CLSPN: variants seen among roughly 807,000 people sequenced by gnomAD.
CLSPN encodes claspin, also known as claspin homolog.
In CLSPN, 85 loss-of-function variants were observed where a neutral mutation model predicts 156.3. That is an observed-to-expected ratio of 0.54 (90% CI 0.46 to 0.65). The LOEUF is 0.65. Among genes scored for constraint, CLSPN ranks in the 30% least tolerant of loss-of-function variants. The probability of loss-of-function intolerance (pLI) is 0.00; values close to 1 mark genes in which losing one functional copy is unlikely to be tolerated. For synonymous variants in CLSPN, 534 were observed against 542.4 expected, an observed-to-expected ratio of 0.98 and a Z score of 0.22; for missense variants, 1,407 against 1,554.9, an observed-to-expected ratio of 0.90 and a Z score of 1.60.
At position 35,734,419 on chromosome 1, in the gene CLSPN, C is replaced by T. The variant is rs149185937; in HGVS notation, c.*2077G>A. The T allele has an allele frequency of 1.5e-3, 1,469 of 976,842 alleles. 19 individuals are homozygous for T. The African/African-American group carries it at 0.022, about 15-fold the overall frequency. The allele number at this position is 976,842 out of a possible 1,614,324, so 60.5% of individuals were successfully genotyped here. ...AACCGGCCGGGTGCGGTGGCTCATG[C>T]CTATAATCCCAGCACTTTGGGAGGC... On this transcript the variant is annotated 3_prime_UTR_variant, in exon 25 of 25. Transcript: ENST00000318121.
intron 18 of CLSPN, 123 bp downstream of exon 18, chr1:35,743,018 C>A: frequency 1.4e-6 from 1 of 708,110 alleles, no homozygotes; most frequent in Non-Finnish European, 2.5e-6. Context: ...AACTCCTGAC[C>A]TCAGGTGATC....
At chr1:35,726,472 GGGT>G in intron 24 of CLSPN, among the ~76,000 whole-genome samples, 1 of 144,262 alleles carries the variant, frequency 6.9e-6, no homozygotes. Context: ...AAACAATGCT[GGGT>G]GGTGGTGGTG....
intron 12 of CLSPN, among the ~76,000 whole-genome samples, chr1:35,749,038 G>T (rs1369886205): frequency 1.3e-5 from 2 of 151,930 alleles, no homozygotes; most frequent in African/African-American, 4.8e-5. Flanking sequence ...TGTTAGCCAG[G>T]CTGGTCTCGA....
chr1:35,740,103 G>A (rs935573886), intron 18 of CLSPN, among the ~76,000 whole-genome samples: 18 of 152,180 alleles, frequency 1.2e-4, no homozygotes, highest in African/African-American at 4.1e-4. Flanking sequence ...CTGCTGGAAG[G>A]TTCAAACTAT....
chr1:35,747,138 T>G, intron 14 of CLSPN, 146 bp from the exon 15 acceptor site: 2 of 607,580 alleles, frequency 3.3e-6, no homozygotes, highest in Non-Finnish European at 5.8e-6. Flanking sequence ...CTGGCTAACA[T>G]GGTGAAACCC....
intron 1 of CLSPN, among the ~76,000 whole-genome samples, chr1:35,766,634 G>T (rs1642686542): frequency 6.7e-6 from 1 of 150,102 alleles, no homozygotes; most frequent in African/African-American, 2.5e-5. Flanking sequence ...AGTAGAGATG[G>T]GGTTTCTCCA....
rs142181050 is a variant in CLSPN at position 35,722,071 on chromosome 1, A to G, written c.3910-1091T>C. Among the ~76,000 whole-genome samples the G allele has an allele frequency of 7.2e-3, 1,092 of 151,704 alleles. 17 individuals are homozygous for G. Among genetic ancestry groups the G allele is most frequent in the African/African-American group, 0.025 (1,041 of 41,402 alleles). ...GGAGAATCGCTTGAACCCAAGAGGC[A>G]GAGATTGCAGTGAGCCAAGATCGTG... On this transcript the variant is annotated intron_variant, in intron 24 of 24. Coordinates refer to the CLSPN transcript ENST00000251195.
rs1309760120 is a variant in CLSPN, at chr1:35,746,970, T to C, written c.2650A>G (p.Arg884Gly). Residue 884 changes from arginine (R) to glycine (G), a missense_variant, in exon 15 of 25, where the codon AGG becomes GGG. By Grantham distance (125) the Arg-to-Gly change is moderately radical. Transcript: ENST00000318121. This position sits in a 1 kb window ranked among gnomAD's most constrained non-coding sequence, Gnocchi z 4.2. ...GGCTTCAAAGCTTGGTACTGATTCC[T>C]GTGGTTTCTAACATTTAAGAACCTA... The part of the protein sequence containing the change: ...ADGFLNVRNH[R>G]NQYQALKPRL... 1.2e-6 allele frequency: 2 copies of C among 1,613,994 alleles called. No individual in the cohort carries two copies. The highest frequency in any genetic ancestry group is 1.7e-6 in the Non-Finnish European group (2 of 1,179,864).
Position 35,735,340 on chromosome 1 carries a change from A to G in CLSPN, c.*1156T>C. The G allele has an allele frequency of 3.0e-6, 3 of 985,466 alleles. No homozygotes were observed. The highest frequency in any genetic ancestry group is 3.5e-5 in the African/African-American group (2 of 57,376). The allele number at this position is 985,466 out of a possible 1,614,324, so 61.0% of individuals were successfully genotyped here. ...AAAATTTGATGCTGCCTTGGGAAGA[A>G]GCATACAGGAAAATGAAAGGGGTAA... On this transcript the variant is annotated 3_prime_UTR_variant, in exon 25 of 25. Transcript: ENST00000318121.
At position 35,762,493 on chromosome 1, in the gene CLSPN, G is replaced by A; in HGVS notation, c.745-12C>T. On this transcript the variant is annotated splice_polypyrimidine_tract_variant and intron_variant, in intron 4 of 24. Coordinates refer to ENST00000318121, the MANE Select transcript of CLSPN (RefSeq NM_022111.4). ...GATGGTTCTTTTTTCTAAAAGAAAT[G>A]GCAGGTTGATTAGGACAAAAACGAA... The A allele has an allele frequency of 6.2e-7, 1 of 1,612,072 alleles. No homozygotes were observed.
chr1:35,760,280 C>A, intron 8 of CLSPN, 62 bp downstream of exon 8: 1 of 1,336,804 alleles, frequency 7.5e-7, no homozygotes, highest in South Asian at 1.4e-5. Flanking sequence ...CGACAGTAGT[C>A]AATAATCAAA....
intron 24 of CLSPN, among the ~76,000 whole-genome samples, chr1:35,725,006 A>C (rs1226760709): frequency 2.0e-5 from 3 of 152,184 alleles, no homozygotes; most frequent in African/African-American, 7.2e-5. Context: ...GGTACATTCA[A>C]TTAGAAGTTT....
rs1348856108 is a variant in CLSPN at position 35,749,524 on chromosome 1, G to T, written c.2215C>A (p.Pro739Thr). The change falls in exon 12 of 25, where the codon CCT becomes ACT. Residue 739 changes from proline (P) to threonine (T), a missense_variant. Physicochemically the swap from Pro to Thr is conservative, Grantham distance 38 (BLOSUM62 -1). Coordinates refer to ENST00000318121, the MANE Select transcript of CLSPN (RefSeq NM_022111.4). ...KDSSSKMGYF[P>T]TEEKSETDEN... is the part of the protein sequence containing the mutation. Reference sequence around the variant, plus strand: ...TCTGTTTCTGATTTTTCTTCAGTAGGAAAGTAACTGCAAAATAAGAAAGTA... The same window carrying T: ...TCTGTTTCTGATTTTTCTTCAGTAGTAAAGTAACTGCAAAATAAGAAAGTA... 1 of 1,614,042 alleles carries T rather than the reference G, an allele frequency of 6.2e-7. No individual in the cohort carries two copies. The highest frequency in any genetic ancestry group is 1.1e-5 in the South Asian group (1 of 91,070).
chr1:35,746,843 T>C lies in CLSPN; in HGVS notation c.2777A>G (p.His926Arg), dbSNP rs765591020. 7 of 1,614,026 alleles carry C rather than the reference T, an allele frequency of 4.3e-6. No individual in the cohort carries two copies. Among genetic ancestry groups the C allele is most frequent in the African/African-American group, 2.7e-5 (2 of 74,924 alleles). ...TTTCTTGTCACTCTTCCTGGGTAGA[T>C]GTTTTTCAGCCTGAGATGTGAACTT... is the stretch of plus-strand genomic sequence containing the variant. Reference protein sequence around the residue: ...TGKFTSQAEKHLPRKSDKKEN... With the variant: ...TGKFTSQAEKRLPRKSDKKEN... The change falls in exon 15 of 25, where the codon CAT becomes CGT. Residue 926 changes from histidine (H) to arginine (R), a missense_variant. Physicochemically the swap from His to Arg is conservative, Grantham distance 29 (BLOSUM62 0). Coordinates refer to ENST00000318121, the MANE Select transcript of CLSPN (RefSeq NM_022111.4). This position sits in a 1 kb window ranked among gnomAD's most constrained non-coding sequence, Gnocchi z 4.2.
chr1:35,722,636 T>C (rs1268591709), intron 24 of CLSPN, among the ~76,000 whole-genome samples: 1 of 146,328 alleles, frequency 6.8e-6, no homozygotes, highest in Non-Finnish European at 1.5e-5. Context: ...TCTCTCTTTC[T>C]TTTTTTTTTC....
Position 35,751,286 on chromosome 1 carries a change from C to T in CLSPN, c.1992G>A (p.Glu664=), listed in dbSNP as rs1393576214. ...CTTCTTCTTCCTCCTCCTCTTCTTT[C>T]TCCTCCTCTTCCTCTAGTTCTTCCT... is the stretch of plus-strand genomic sequence containing the variant. ...EKEEELEEEE[E]KEEEEEEEGN... Residue 664 remains glutamate, a synonymous_variant, in exon 10 of 25, where the codon GAG becomes GAA. Transcript: ENST00000318121. 1.3e-6 allele frequency: 2 copies of T among 1,592,116 alleles called. No homozygotes were observed. Among genetic ancestry groups the T allele is most frequent in the Non-Finnish European group, 1.7e-6 (2 of 1,171,492 alleles).
intron 4 of CLSPN, among the ~76,000 whole-genome samples, 152 bp downstream of exon 4, chr1:35,763,002 TACTGCA>T (rs1642536866): frequency 6.6e-6 from 1 of 152,148 alleles, no homozygotes; most frequent in Non-Finnish European, 1.5e-5. Context: ...CTATCACTTG[TACTGCA>T]AGTCTCCAAA....
rs959769781 is a variant in CLSPN, at chr1:35,746,481, A to G, written c.2854+285T>C. ...GTGATCTCAGCTCACTGCAACCTTCATCTCCCAGGCTCAAGAGATCCTCCC... is the reference window on the plus strand; with the variant it reads ...GTGATCTCAGCTCACTGCAACCTTCGTCTCCCAGGCTCAAGAGATCCTCCC... On this transcript the variant is annotated intron_variant, in intron 15 of 24. Transcript: ENST00000318121. This position sits in a 1 kb window ranked among gnomAD's most constrained non-coding sequence, Gnocchi z 4.2. 6.0e-5 allele frequency among the ~76,000 whole-genome samples: 9 copies of G among 150,530 alleles called. No individual in the cohort carries two copies. The East Asian group carries it at 7.9e-4, about 13-fold the overall frequency.
chr1:35,768,100 T>C (rs1323365405), intron 1 of CLSPN, among the ~76,000 whole-genome samples: 1 of 152,228 alleles, frequency 6.6e-6, no homozygotes, highest in Non-Finnish European at 1.5e-5. Flanking sequence ...TCAGGCATGG[T>C]GGCTCACGCC....
Sources: gnomAD v4.1 joint callset for allele counts (sites outside exome capture counted in the v4.1 genomes callset) on GRCh38, gnomAD v4.1.1 for gene constraint, Gnocchi (gnomAD v3.1) non-coding constraint, MANE v1.5 for transcripts, NCBI Gene and HGNC (gene_info 2026-07-23, HGNC 2026-07-21) for gene names.